RAD51B: variants seen among roughly 807,000 people sequenced by gnomAD.
The protein encoded by RAD51B is RAD51 paralog B.
A neutral mutation model predicts 42.2 loss-of-function variants in RAD51B; 38 were observed. The observed-to-expected ratio is 0.90, with a 90% CI of 0.70 to 1.18. The LOEUF is 1.18. Among genes scored for constraint, RAD51B ranks in the 50% most tolerant of loss-of-function variants. The probability of loss-of-function intolerance (pLI) is 0.00; values close to 1 mark genes in which losing one functional copy is unlikely to be tolerated. For missense variants in RAD51B, 373 were observed against 400.7 expected (o/e 0.93, Z 0.59); for synonymous variants, 154 against 145.2 (o/e 1.06, Z -0.43).
rs555036562 is a variant in RAD51B, at chr14:68,518,057, G to A, written c.1036+49807G>A. Among the ~76,000 whole-genome samples the A allele has an allele frequency of 1.1e-4, 16 of 152,262 alleles. No homozygotes were observed. In the East Asian group the frequency reaches 3.1e-3, roughly 29 times the overall value. ...GTCTAGAAGTGGGCAAAGTTCTCACGTTGGCAGTACCTGCAGTGTGGGACA... is the reference window on the plus strand; with the variant it reads ...GTCTAGAAGTGGGCAAAGTTCTCACATTGGCAGTACCTGCAGTGTGGGACA... On this transcript the variant is annotated intron_variant, in intron 10 of 10. Coordinates refer to the RAD51B transcript ENST00000487270.
chr14:68,255,443 A>G (rs1023738894), intron 7 of RAD51B, among the ~76,000 whole-genome samples: 1 of 152,160 alleles, frequency 6.6e-6, no homozygotes, highest in Non-Finnish European at 1.5e-5. Flanking sequence ...TCCAAGTCCT[A>G]CTTTCATACC....
chr14:68,232,612 G>A (rs1391420051), intron 7 of RAD51B, among the ~76,000 whole-genome samples: 2 of 152,190 alleles, frequency 1.3e-5, no homozygotes, highest in African/African-American at 4.8e-5. Flanking sequence ...GGCTCAGGGG[G>A]AATAACTTTG....
intron 7 of RAD51B, among the ~76,000 whole-genome samples, chr14:68,284,249 C>T (rs1162827049): frequency 6.6e-6 from 1 of 152,168 alleles, no homozygotes; most frequent in East Asian, 1.9e-4. Context: ...TCCTTCATCC[C>T]CTTTTCCTTG....
chr14:68,643,911 A>G (rs561182019), intron 10 of RAD51B, among the ~76,000 whole-genome samples: 1 of 152,276 alleles, frequency 6.6e-6, no homozygotes, highest in East Asian at 1.9e-4. Flanking sequence ...GGGAGAAGGC[A>G]CTGGAACTAG....
At chr14:68,525,723 C>T (rs976768493) in intron 10 of RAD51B, among the ~76,000 whole-genome samples, 3 of 152,152 alleles carry the variant, frequency 2.0e-5, no homozygotes, top group African/African-American at 7.2e-5. Flanking sequence ...CACACTCGCC[C>T]CAAATGCCAA....
intron 11 of RAD51B, among the ~76,000 whole-genome samples, chr14:68,656,817 C>A (rs538163713): frequency 6.6e-6 from 1 of 152,266 alleles, no homozygotes; most frequent in South Asian, 2.1e-4. Flanking sequence ...TGGCTCCCAG[C>A]CCCCATGGGT....
intron 8 of RAD51B, among the ~76,000 whole-genome samples, chr14:68,371,036 C>CAAAAAAA (rs75617123): frequency 5.8e-4 from 15 of 25,972 alleles, no homozygotes; most frequent in Non-Finnish European, 8.0e-4. Context: ...GACTCTGTCT[C>CAAAAAAA]AAAAAAAAAA....
intron 10 of RAD51B, among the ~76,000 whole-genome samples, chr14:68,476,843 C>T (rs925442795): frequency 7.2e-5 from 11 of 152,188 alleles, no homozygotes; most frequent in African/African-American, 2.2e-4. Context: ...CAACAAATGT[C>T]GCCACAGAAC....
At chr14:68,555,419 C>T (rs1888790703) in intron 10 of RAD51B, among the ~76,000 whole-genome samples, 1 of 152,226 alleles carries the variant, frequency 6.6e-6, no homozygotes, top group African/African-American at 2.4e-5. Flanking sequence ...CCCTGTCTGT[C>T]TAACGGGGTG....
chr14:67,835,564 T>G (rs2140298925), intron 4 of RAD51B, among the ~76,000 whole-genome samples: 1 of 138,102 alleles, frequency 7.2e-6, no homozygotes, highest in South Asian at 2.2e-4. Flanking sequence ...ATATGTAATA[T>G]ATACACATAT....
intron 7 of RAD51B, among the ~76,000 whole-genome samples, chr14:68,281,620 T>C (rs948930644): frequency 6.6e-6 from 1 of 152,198 alleles, no homozygotes; most frequent in Non-Finnish European, 1.5e-5. Context: ...GAGGATCAGC[T>C]AAGACCATTC....
intron 7 of RAD51B, among the ~76,000 whole-genome samples, chr14:68,118,315 C>T (rs2077584626): frequency 6.6e-6 from 1 of 152,090 alleles, no homozygotes; most frequent in African/African-American, 2.4e-5. Context: ...CAATTTTCCC[C>T]ACTAATATCC....
intron 8 of RAD51B, among the ~76,000 whole-genome samples, chr14:68,306,059 C>T (rs1051241450): frequency 1.3e-5 from 2 of 152,218 alleles, no homozygotes; most frequent in African/African-American, 4.8e-5. Context: ...ACATCCGTCC[C>T]TCCCCTCTGG....
intron 7 of RAD51B, among the ~76,000 whole-genome samples, chr14:68,088,604 G>A (rs2077037618): frequency 6.7e-6 from 1 of 150,348 alleles, no homozygotes; most frequent in Non-Finnish European, 1.5e-5. Flanking sequence ...GTGTGTGTGT[G>A]TGTGCGCGTG....
intron 7 of RAD51B, among the ~76,000 whole-genome samples, chr14:68,199,871 A>G (rs999001034): frequency 6.6e-6 from 1 of 152,128 alleles, no homozygotes; most frequent in Non-Finnish European, 1.5e-5. Context: ...GTTGTCTGGC[A>G]GGTTTGGCCC....
At chr14:68,502,047 G>T (rs963994942) in intron 10 of RAD51B, among the ~76,000 whole-genome samples, 2 of 152,246 alleles carry the variant, frequency 1.3e-5, no homozygotes, top group African/African-American at 2.4e-5. Flanking sequence ...GGGCTGGAAG[G>T]CCACGTCTGA....
At chr14:67,922,990 C>T (rs181926449) in intron 7 of RAD51B, among the ~76,000 whole-genome samples, 215 of 151,938 alleles carry the variant, frequency 1.4e-3, no homozygotes, top group Non-Finnish European at 2.6e-3. Context: ...TGCGCCCAGC[C>T]GTAATATGTG....
At chr14:68,241,738 G>A (rs1236234871) in intron 7 of RAD51B, among the ~76,000 whole-genome samples, 4 of 151,908 alleles carry the variant, frequency 2.6e-5, no homozygotes, top group Non-Finnish European at 5.9e-5. Context: ...AAGCAGTCCA[G>A]CTCATGTATG....
At chr14:68,614,619 C>T (rs1326659362), downstream of RAD51B, among the ~76,000 whole-genome samples, 1 of 152,106 alleles carries the variant, frequency 6.6e-6, no homozygotes, top group Non-Finnish European at 1.5e-5. Context: ...CAATATGTGA[C>T]CTTTTGTGTT....
Sources: allele counts gnomAD v4.1 joint callset (sites outside exome capture counted in the v4.1 genomes callset), GRCh38; gene constraint gnomAD v4.1.1; transcripts MANE v1.5; gene names NCBI Gene and HGNC (gene_info 2026-07-23, HGNC 2026-07-21).